Variants in PPP3CA observed in about 807,000 individuals in gnomAD.
The protein encoded by PPP3CA is CAM-PRP catalytic subunit.
In PPP3CA, 14 loss-of-function variants were observed where a neutral mutation model predicts 66.5. The ratio of observed to expected loss-of-function variants is 0.21; its 90% confidence interval spans 0.14 to 0.33. The LOEUF is 0.33. PPP3CA is among the 10% of genes least tolerant of loss of function. The pLI is 1.00. For synonymous variants in PPP3CA, 232 were observed against 226.2 expected (o/e 1.03, Z -0.23); for missense variants, 317 against 639.5 (o/e 0.50, Z 5.44).
At chr4:101,135,004 G>A (rs1199417086) in intron 2 of PPP3CA, among the ~76,000 whole-genome samples, 2 of 152,092 alleles carry the variant, frequency 1.3e-5, no homozygotes, top group African/African-American at 4.8e-5. Context: ...TCACTCATAA[G>A]TGGGAACTGA....
In PPP3CA at chr4:101,346,876, AACG is replaced by A; in HGVS notation, c.-83_-81del. 2.3e-6 allele frequency: 3 copies of A among 1,304,448 alleles called. No homozygotes were observed. The highest frequency in any genetic ancestry group is 3.1e-6 in the Non-Finnish European group (3 of 969,126). The allele number at this position is 1,304,448 out of a possible 1,614,324, so 80.8% of individuals were successfully genotyped here. ...GACCGGACCGGCGGGCCAGACACTC[AACG>A]CCGCCGCCGCCGCCGCCGCCGCCGC... On this transcript the variant is annotated 5_prime_UTR_variant, in exon 1 of 14. Coordinates refer to ENST00000394854, the MANE Select transcript of PPP3CA (RefSeq NM_000944.5).
intron 2 of PPP3CA, among the ~76,000 whole-genome samples, chr4:101,181,331 A>G (rs992851100): frequency 4.6e-5 from 7 of 152,112 alleles, no homozygotes; most frequent in African/African-American, 1.7e-4. Flanking sequence ...ATTTAACATC[A>G]GAAAAGATAT....
intron 1 of PPP3CA, among the ~76,000 whole-genome samples, chr4:101,309,839 C>CA (rs2110309135): frequency 6.6e-6 from 1 of 152,136 alleles, no homozygotes; most frequent in South Asian, 2.1e-4. Context: ...AACTTAATAA[C>CA]AAAAAATATT....
chr4:101,233,409 C>A (rs1203620365), intron 1 of PPP3CA, among the ~76,000 whole-genome samples: 1 of 151,808 alleles, frequency 6.6e-6, no homozygotes, highest in Non-Finnish European at 1.5e-5. Flanking sequence ...CTTTACACAA[C>A]AGTGAAACTA....
In PPP3CA at chr4:101,052,321, A is replaced by G. The variant is rs1728046299; in HGVS notation, c.1156+8766T>C. On this transcript the variant is annotated intron_variant, in intron 10 of 13. Transcript: ENST00000394854. ...AAATGTCAATAGCCCTAAATACGAT[A>G]AGAATCATACCAAACTACATCTAAT... 2.6e-5 allele frequency among the ~76,000 whole-genome samples: 4 copies of G among 152,196 alleles called. No individual in the cohort carries two copies. In the South Asian group the frequency reaches 8.3e-4, roughly 32 times the overall value.
chr4:101,173,295 T>C (rs1010483631), intron 2 of PPP3CA, among the ~76,000 whole-genome samples: 4 of 152,084 alleles, frequency 2.6e-5, no homozygotes, highest in South Asian at 2.1e-4. Flanking sequence ...AGGGTGTTTA[T>C]TTGGCCTGTG....
chr4:101,274,291 G>A (rs2850974), intron 1 of PPP3CA, among the ~76,000 whole-genome samples: 29,085 of 152,082 alleles, frequency 0.19, 3,444 homozygotes, highest in East Asian at 0.51. Context: ...CAGCCTAGGC[G>A]ACAGAGCAAG....
chr4:101,136,738 T>C (rs1257532045), intron 2 of PPP3CA, among the ~76,000 whole-genome samples: 3 of 152,066 alleles, frequency 2.0e-5, no homozygotes, highest in African/African-American at 7.2e-5. Context: ...CATTTGGGTT[T>C]TGTTTTGTGT....
chr4:101,103,460 C>A (rs1226603469), intron 3 of PPP3CA, among the ~76,000 whole-genome samples: 3 of 152,188 alleles, frequency 2.0e-5, no homozygotes, highest in South Asian at 4.1e-4. Flanking sequence ...GAGCAATGCA[C>A]TATATAGACG....
chr4:101,248,616 T>A (rs1256810703), intron 1 of PPP3CA, among the ~76,000 whole-genome samples: 1 of 152,188 alleles, frequency 6.6e-6, no homozygotes, highest in Non-Finnish European at 1.5e-5. Context: ...TAAAATCAAC[T>A]CAATCAATAC....
chr4:101,116,602 G>A (rs1209765489), intron 2 of PPP3CA, among the ~76,000 whole-genome samples: 1 of 151,756 alleles, frequency 6.6e-6, no homozygotes, highest in East Asian at 1.9e-4. Flanking sequence ...CAGCTAGCCA[G>A]CTATGTGTAG....
intron 1 of PPP3CA, among the ~76,000 whole-genome samples, chr4:101,328,870 T>C (rs1578196328): frequency 1.3e-5 from 2 of 152,272 alleles, no homozygotes; most frequent in South Asian, 4.1e-4. Context: ...ATTTAACAAA[T>C]AAATGTGTGT....
At chr4:101,106,830 T>C (rs1367563790) in intron 3 of PPP3CA, among the ~76,000 whole-genome samples, 2 of 152,176 alleles carry the variant, frequency 1.3e-5, no homozygotes, top group South Asian at 2.1e-4. Flanking sequence ...AATGAAGCCA[T>C]GAAAATCAGA....
At chr4:101,320,307 T>C (rs1036195830) in intron 1 of PPP3CA, among the ~76,000 whole-genome samples, 2 of 152,068 alleles carry the variant, frequency 1.3e-5, no homozygotes, top group Non-Finnish European at 2.9e-5. Context: ...CAAAAACAAC[T>C]AACATAAAAT....
At chr4:101,200,651 C>T (rs1014042274) in intron 1 of PPP3CA, among the ~76,000 whole-genome samples, 11 of 152,026 alleles carry the variant, frequency 7.2e-5, no homozygotes, top group African/African-American at 1.7e-4. Flanking sequence ...TAAGTATATC[C>T]GAAGGAGAAA....
chr4:101,197,930 G>T (rs1208592214), intron 1 of PPP3CA, among the ~76,000 whole-genome samples: 1 of 152,082 alleles, frequency 6.6e-6, no homozygotes, highest in Non-Finnish European at 1.5e-5. Flanking sequence ...ACTCGATAGG[G>T]CTTAGTAAGT....
At chr4:101,095,329 C>A (rs17030746) in intron 5 of PPP3CA, among the ~76,000 whole-genome samples, 17,186 of 152,020 alleles carry the variant, frequency 0.11, 1,338 homozygotes, top group African/African-American at 0.21. Flanking sequence ...AACTAAAGGT[C>A]TGCAAAGCTA....
intron 1 of PPP3CA, among the ~76,000 whole-genome samples, chr4:101,308,550 ATC>A (rs1393232255): frequency 6.6e-6 from 1 of 152,032 alleles, no homozygotes; most frequent in Non-Finnish European, 1.5e-5. Flanking sequence ...GGCTCAAGTG[ATC>A]TTGCAGCTTC....
chr4:101,192,603 C>T (rs976282836), intron 2 of PPP3CA, among the ~76,000 whole-genome samples: 2 of 152,130 alleles, frequency 1.3e-5, no homozygotes, highest in Non-Finnish European at 2.9e-5. Flanking sequence ...CAAAAAATAC[C>T]AGTGGCTTCC....
Sources: allele counts gnomAD v4.1 joint callset (sites outside exome capture counted in the v4.1 genomes callset), GRCh38; gene constraint gnomAD v4.1.1; transcripts MANE v1.5; gene names NCBI Gene and HGNC (gene_info 2026-07-23, HGNC 2026-07-21).